Variants in MTFR1 observed in about 807,000 individuals in gnomAD.
MTFR1 encodes mitochondrial fission regulator 1.
Under a neutral mutation model 38.8 loss-of-function variants are expected in MTFR1, and 28 were observed. That is an observed-to-expected ratio of 0.72 (90% CI 0.53 to 0.99). The LOEUF (loss-of-function observed/expected upper bound fraction) is 0.99. Among genes scored for constraint, MTFR1 ranks in the 50% least tolerant of loss-of-function variants. The probability of loss-of-function intolerance (pLI) is 0.00; values close to 1 mark genes in which losing one functional copy is unlikely to be tolerated. For missense variants in MTFR1, 358 were observed against 395.5 expected (o/e 0.91, Z 0.81); for synonymous variants, 145 against 137.0 (o/e 1.06, Z -0.41).
rs546141689 is a variant in MTFR1, at chr8:65,733,746, T to C, written c.*48+14265T>C. ...AAAGTTGATTTTTTAAAAGTCATGATATATATACTAAAAAACGGGCATTTT... is the reference window on the plus strand; with the variant it reads ...AAAGTTGATTTTTTAAAAGTCATGACATATATACTAAAAAACGGGCATTTT... On this transcript the variant is annotated intron_variant, in intron 3 of 3. Coordinates refer to the MTFR1 transcript ENST00000521247. 1.1e-4 allele frequency among the ~76,000 whole-genome samples: 17 copies of C among 152,324 alleles called. No individual in the cohort carries two copies. In the South Asian group the frequency reaches 2.1e-3, roughly 19 times the overall value.
At chr8:65,702,560 C>A (rs9643393) in intron 4 of MTFR1, among the ~76,000 whole-genome samples, 134,819 of 152,186 alleles carry the variant, frequency 0.89, 60,003 homozygotes, top group African/African-American at 0.97. Context: ...TCAGATTATT[C>A]GTTTTCTACC....
At chr8:65,684,142 C>G (rs1429675714) in intron 3 of MTFR1, among the ~76,000 whole-genome samples, 5 of 152,102 alleles carry the variant, frequency 3.3e-5, no homozygotes, top group African/African-American at 1.2e-4. Flanking sequence ...AGTCAATGGA[C>G]TGAAGTACTA....
intron 3 of MTFR1, among the ~76,000 whole-genome samples, chr8:65,687,826 G>A (rs1452425642): frequency 5.3e-5 from 8 of 152,040 alleles, no homozygotes; most frequent in East Asian, 1.9e-4. Flanking sequence ...TCGGCTAGGC[G>A]CGGTGGCCCA....
intron 3 of MTFR1, among the ~76,000 whole-genome samples, chr8:65,770,388 G>A (rs1375229483): frequency 1.3e-5 from 2 of 152,214 alleles, no homozygotes; most frequent in Admixed American, 1.3e-4. Context: ...GCAGGCAAGG[G>A]TGAATGAGAG....
intron 3 of MTFR1, chr8:65,739,453 C>T (rs1220489333): frequency 2.7e-6 from 4 of 1,500,600 alleles, no homozygotes; most frequent in Non-Finnish European, 3.5e-6. Context: ...TAAACAGGTT[C>T]TTGTATAAAT....
At chr8:65,751,061 G>T (rs912359934) in intron 3 of MTFR1, among the ~76,000 whole-genome samples, 2 of 152,166 alleles carry the variant, frequency 1.3e-5, no homozygotes, top group African/African-American at 2.4e-5. Context: ...GACAAATTAA[G>T]AAAGGACATG....
intron 4 of MTFR1, among the ~76,000 whole-genome samples, chr8:65,697,648 A>G (rs1805484919): frequency 6.6e-6 from 1 of 152,176 alleles, no homozygotes; most frequent in South Asian, 2.1e-4. Flanking sequence ...ATAAATGTCT[A>G]TGAGTGCAGT....
intron 2 of MTFR1, among the ~76,000 whole-genome samples, chr8:65,676,419 A>T (rs1804709295): frequency 6.6e-6 from 1 of 152,194 alleles, no homozygotes; most frequent in African/African-American, 2.4e-5. Context: ...GCTGGAGTGC[A>T]GTGGCGCATT....
intron 1 of MTFR1, among the ~76,000 whole-genome samples, chr8:65,668,191 T>G (rs1804449645): frequency 6.6e-6 from 1 of 150,800 alleles, no homozygotes; most frequent in South Asian, 2.1e-4. Flanking sequence ...TTTCTTTTTT[T>G]TTTTGAGAGG....
intron 3 of MTFR1, among the ~76,000 whole-genome samples, chr8:65,688,778 G>GCCCC (rs1240889308): frequency 1.3e-5 from 2 of 152,032 alleles, no homozygotes; most frequent in Non-Finnish European, 2.9e-5. Context: ...GAAGCAACTG[G>GCCCC]TAAAAGAGAA....
At chr8:65,664,227 CTT>C (rs1433053921) in intron 1 of MTFR1, among the ~76,000 whole-genome samples, 1 of 152,190 alleles carries the variant, frequency 6.6e-6, no homozygotes, top group East Asian at 1.9e-4. Context: ...ACCTTGCTAT[CTT>C]TGTGTAAGAA....
At chr8:65,749,081 A>T (rs1162028395) in intron 3 of MTFR1, among the ~76,000 whole-genome samples, 1 of 152,186 alleles carries the variant, frequency 6.6e-6, no homozygotes, top group Non-Finnish European at 1.5e-5. Flanking sequence ...AAGCACATTC[A>T]GTACACTGCC....
rs1375958901 is a variant in MTFR1 at position 65,709,967 on chromosome 8, A to C, written c.*923A>C. On this transcript the variant is annotated 3_prime_UTR_variant, in exon 8 of 8. Transcript: ENST00000262146. ...GCAAATGAATTTCCTATAAATTATC[A>C]TTGGTCAGAATGCTGTTTTGTTTAA... The C allele has an allele frequency of 6.6e-6, 1 of 152,508 alleles. No homozygotes were observed. Among genetic ancestry groups the C allele is most frequent in the Non-Finnish European group, 1.5e-5 (1 of 68,018 alleles). 9.4% of individuals were successfully genotyped at this position (152,508 alleles called of 1,614,324 possible). A position where few individuals can be genotyped will look rare whatever the true frequency, so the allele number is the denominator to read the frequency against.
At chr8:65,715,809 C>A (rs117190068) in intron 2 of MTFR1, among the ~76,000 whole-genome samples, 6,229 of 149,382 alleles carry the variant, frequency 0.042, 192 homozygotes, top group Non-Finnish European at 0.063. Context: ...CATGGTGAAA[C>A]CCTAACTCTA....
intron 3 of MTFR1, among the ~76,000 whole-genome samples, chr8:65,754,260 T>C (rs1466689632): frequency 1.3e-5 from 2 of 152,042 alleles, no homozygotes; most frequent in African/African-American, 2.4e-5. Flanking sequence ...CGCCCCAAGA[T>C]TGAGGGTGCG....
intron 3 of MTFR1, among the ~76,000 whole-genome samples, chr8:65,751,066 G>A (rs1489392057): frequency 6.6e-6 from 1 of 152,128 alleles, no homozygotes; most frequent in Non-Finnish European, 1.5e-5. Flanking sequence ...ATTAAGAAAG[G>A]ACATGGAGCC....
intron 1 of MTFR1, among the ~76,000 whole-genome samples, chr8:65,665,447 A>G (rs868596309): frequency 8.5e-5 from 13 of 152,180 alleles, no homozygotes; most frequent in Non-Finnish European, 1.6e-4. Context: ...CTTTTTTAGT[A>G]ATCAATAAAT....
chr8:65,767,608 A>G (rs964458489), intron 3 of MTFR1, among the ~76,000 whole-genome samples: 8 of 151,906 alleles, frequency 5.3e-5, no homozygotes, highest in African/African-American at 1.9e-4. Context: ...CTTGCCCCAT[A>G]CCCTGGGGGA....
At chr8:65,669,439 G>C (rs1170494855) in intron 1 of MTFR1, among the ~76,000 whole-genome samples, 2 of 152,000 alleles carry the variant, frequency 1.3e-5, no homozygotes, top group African/African-American at 4.8e-5. Flanking sequence ...GTTGCTTCCA[G>C]CTAAGAATAC....
Sources: allele counts gnomAD v4.1 joint callset (sites outside exome capture counted in the v4.1 genomes callset), GRCh38; gene constraint gnomAD v4.1.1; transcripts MANE v1.5; gene names NCBI Gene and HGNC (gene_info 2026-07-23, HGNC 2026-07-21).